Variants in ATP11A observed in about 807,000 individuals in gnomAD.
ATP11A encodes the protein phospholipid-transporting ATPase IH.
Under a neutral mutation model 154.4 loss-of-function variants are expected in ATP11A, and 81 were observed. The observed-to-expected ratio is 0.52, with a 90% confidence interval of 0.44 to 0.63. The LOEUF (loss-of-function observed/expected upper bound fraction) is 0.63. ATP11A is among the 30% of genes least tolerant of loss of function. The pLI is 0.00. For missense variants in ATP11A, 1,316 were observed against 1,474.3 expected (o/e 0.89, Z 1.76); for synonymous variants, 623 against 585.9 (o/e 1.06, Z -0.91).
chr13:112,834,206 C>G (rs2079171755), intron 14 of ATP11A, among the ~76,000 whole-genome samples: 1 of 152,236 alleles, frequency 6.6e-6, no homozygotes, highest in Non-Finnish European at 1.5e-5. Context: ...CTCAGGGTCC[C>G]TCTCCCTCTG....
At chr13:112,881,726 G>A (rs2080889832) in intron 29 of ATP11A, 150 bp from the exon 30 acceptor site, 2 of 1,312,616 alleles carry the variant, frequency 1.5e-6, no homozygotes, top group East Asian at 9.4e-5. Context: ...GGAGGCGATG[G>A]TAGTGAGTGC....
chr13:112,740,124 A>G (rs1199420238), intron 1 of ATP11A, among the ~76,000 whole-genome samples: 3 of 128,778 alleles, frequency 2.3e-5, no homozygotes, highest in African/African-American at 9.1e-5. Flanking sequence ...ATAGCATGTG[A>G]ATTCTCTCTC....
intron 17 of ATP11A, among the ~76,000 whole-genome samples, chr13:112,842,960 C>G (rs949924624): frequency 7.2e-5 from 11 of 152,258 alleles, no homozygotes; most frequent in African/African-American, 2.7e-4. Context: ...CTGAGTGTCT[C>G]TCACAGCAGG....
intron 5 of ATP11A, among the ~76,000 whole-genome samples, chr13:112,815,560 A>G (rs747841455): frequency 1.7e-4 from 26 of 152,280 alleles, no homozygotes; most frequent in Non-Finnish European, 8.8e-5. Flanking sequence ...AAATGGATAC[A>G]GACACAAACT....
At chr13:112,720,433 A>G (rs1889014040) in intron 1 of ATP11A, among the ~76,000 whole-genome samples, 1 of 152,216 alleles carries the variant, frequency 6.6e-6, no homozygotes, top group South Asian at 2.1e-4. Flanking sequence ...GGTCAGGGTT[A>G]CCTGTGGGGT....
At chr13:112,857,969 T>C (rs753369306) in intron 21 of ATP11A, 49 bp downstream of exon 21, 15 of 1,599,362 alleles carry the variant, frequency 9.4e-6, no homozygotes, top group Middle Eastern at 3.3e-4. Flanking sequence ...AGGTCACCCC[T>C]TCGCTAGACA....
chr13:112,755,042 G>A (rs1293202542), intron 1 of ATP11A, among the ~76,000 whole-genome samples: 6 of 152,250 alleles, frequency 3.9e-5, no homozygotes, highest in Admixed American at 6.5e-5. Flanking sequence ...CCAGGGCGCC[G>A]TCGTCAGTCC....
chr13:112,704,089 G>A lies in ATP11A; in HGVS notation c.39+13634G>A, dbSNP rs541460065. Among the ~76,000 whole-genome samples, 5 of 152,352 alleles carry A rather than the reference G, an allele frequency of 3.3e-5. No homozygotes were observed. The South Asian group carries it at 8.3e-4, about 25-fold the overall frequency. ...CAGAACAATGGGATACGCTGGTCCT[G>A]CTGTCCCAGGCGGGGGAGTCACGGG... On this transcript the variant is annotated intron_variant, in intron 1 of 29. Transcript: ENST00000375645.
chr13:112,865,444 C>T (rs1336519558), intron 25 of ATP11A, among the ~76,000 whole-genome samples: 3 of 152,358 alleles, frequency 2.0e-5, no homozygotes, highest in African/African-American at 4.8e-5. Context: ...AGCTTCTCAG[C>T]GGGGTCCATC....
intron 15 of ATP11A, 49 bp from the exon 16 acceptor site, chr13:112,836,129 C>T (rs768981187): frequency 1.5e-6 from 2 of 1,377,218 alleles, no homozygotes; most frequent in East Asian, 4.6e-5. Context: ...CAGATGGAAT[C>T]ACGTGAGCAC....
intron 17 of ATP11A, among the ~76,000 whole-genome samples, chr13:112,845,764 C>A (rs77649763): frequency 2.4e-5 from 1 of 42,408 alleles, no homozygotes. Flanking sequence ...GTCCAGTTGC[C>A]GGCACTAGCG....
Position 112,856,449 on chromosome 13 carries a change from A to G in ATP11A, c.2418+364A>G, listed in dbSNP as rs77812584. 130 of 165,696 alleles carry G rather than the reference A, an allele frequency of 7.8e-4. 2 individuals carry two copies. In the East Asian group the frequency reaches 0.017, roughly 21 times the overall value. 10.3% of individuals were successfully genotyped at this position (165,696 alleles called of 1,614,324 possible). A position where few individuals can be genotyped will look rare whatever the true frequency, so the allele number is the denominator to read the frequency against. On this transcript the variant is annotated intron_variant, in intron 20 of 29. Transcript: ENST00000375645. ...ACTGAGCACCTAGTGTGTGCCTCCT[A>G]CAGATACGAATGCATTTAGTCTCAA...
intron 2 of ATP11A, among the ~76,000 whole-genome samples, chr13:112,798,677 TATTCTA>T (rs1232512390): frequency 4.6e-5 from 7 of 152,188 alleles, no homozygotes; most frequent in African/African-American, 1.7e-4. Context: ...GTATAGTTGA[TATTCTA>T]AGACAGGAGA....
At position 112,866,345 on chromosome 13, in the gene ATP11A, G is replaced by A. The variant is rs1008930169; in HGVS notation, c.2991+3770G>A. The stretch of plus-strand genomic sequence containing the variant: ...AGCTCTGTGTTAGAAGGGTGTGTGC[G>A]CCTCCTGACGCACATCCTTGCTGTG... On this transcript the variant is annotated intron_variant, in intron 25 of 29. Coordinates refer to ENST00000375645, the MANE Select transcript of ATP11A (RefSeq NM_015205.3). Among the ~76,000 whole-genome samples, 4 of 152,262 alleles carry A rather than the reference G, an allele frequency of 2.6e-5. No individual in the cohort carries two copies. In the East Asian group the frequency reaches 7.8e-4, roughly 30 times the overall value.
chr13:112,817,920 G>A (rs574502204), intron 6 of ATP11A, among the ~76,000 whole-genome samples: 12 of 152,334 alleles, frequency 7.9e-5, no homozygotes, highest in African/African-American at 2.4e-4. Flanking sequence ...TTTGGATCCC[G>A]TGGGGCTCAC....
chr13:112,698,081 G>A (rs1375571235), intron 1 of ATP11A, among the ~76,000 whole-genome samples: 1 of 152,166 alleles, frequency 6.6e-6, no homozygotes, highest in Non-Finnish European at 1.5e-5. Context: ...GGCTGCACGG[G>A]CGCACTCAGC....
rs375121496 is a variant in ATP11A at position 112,854,548 on chromosome 13, G to A, written c.2243+18G>A. On this transcript the variant is annotated intron_variant, in intron 19 of 29. Coordinates refer to ENST00000375645, the MANE Select transcript of ATP11A (RefSeq NM_015205.3). The stretch of plus-strand genomic sequence containing the variant: ...CTGTCCGGGTAGGCAGCGCGTCCCC[G>A]CCCCCACCCCCACACTCCCGCAAAA... The A allele has an allele frequency of 1.3e-5, 21 of 1,593,952 alleles. No homozygotes were observed. Among genetic ancestry groups the A allele is most frequent in the African/African-American group, 9.4e-5 (7 of 74,580 alleles).
chr13:112,834,683 G>T, intron 15 of ATP11A, 23 bp downstream of exon 15: 2 of 1,561,336 alleles, frequency 1.3e-6, no homozygotes, highest in Non-Finnish European at 1.8e-6. Context: ...CTCACCCTCA[G>T]ATGTGAAAGG....
chr13:112,835,187 T>C (rs1939616663), intron 15 of ATP11A, among the ~76,000 whole-genome samples: 1 of 145,580 alleles, frequency 6.9e-6, no homozygotes, highest in Middle Eastern at 3.4e-3. Context: ...ACTCTTCCCA[T>C]TTTTTAGGGA....
Sources: gnomAD v4.1 joint callset for allele counts (sites outside exome capture counted in the v4.1 genomes callset) on GRCh38, gnomAD v4.1.1 for gene constraint, MANE v1.5 for transcripts, NCBI Gene and HGNC (gene_info 2026-07-23, HGNC 2026-07-21) for gene names.